CNTLN: variants seen among roughly 807,000 people sequenced by gnomAD.
The protein encoded by CNTLN is centlein, also known as centlein, centrosomal protein.
In CNTLN, 212 loss-of-function variants were observed where a neutral mutation model predicts 180.0. The observed-to-expected ratio is 1.18, with a 90% CI of 1.05 to 1.32. The LOEUF is 1.32. Ranked by LOEUF, CNTLN falls within the 40% of genes most tolerant of loss-of-function variation. CNTLN has a pLI of 0.00. For synonymous variants in CNTLN, 722 were observed against 563.1 expected (o/e 1.28, Z -3.99); for missense variants, 2,095 against 1,610.9 (o/e 1.30, Z -5.14).
downstream of CNTLN, among the ~76,000 whole-genome samples, chr9:17,505,728 A>C (rs551829061): frequency 6.6e-6 from 1 of 152,268 alleles, no homozygotes; most frequent in East Asian, 1.9e-4. Context: ...GAGATTTAAC[A>C]CAATTCCTAC....
chr9:17,474,867 CAA>C (rs1277854068), intron 23 of CNTLN, among the ~76,000 whole-genome samples: 23 of 115,314 alleles, frequency 2.0e-4, no homozygotes, highest in Non-Finnish European at 1.3e-4. Flanking sequence ...GACTCCACCT[CAA>C]AAAAAAAAAA....
chr9:17,462,952 G>A lies in CNTLN; in HGVS notation c.3343G>A (p.Val1115Met), dbSNP rs756590636. Reference sequence around the variant, plus strand: ...TGAACTCACTAAACAGTCATCAAATGTGAAGACTTTGAAATTTGAACTCCT... The same window carrying A: ...TGAACTCACTAAACAGTCATCAAATATGAAGACTTTGAAATTTGAACTCCT... ...TNELTKQSSN[V>M]KTLKFELLAK... The change falls in exon 20 of 26, where the codon GTG becomes ATG. Residue 1115 changes from valine to methionine, a missense_variant. Transcript: ENST00000380647. 4.4e-6 allele frequency: 7 copies of A among 1,581,228 alleles called. No homozygotes were observed. Among genetic ancestry groups the A allele is most frequent in the Non-Finnish European group, 5.1e-6 (6 of 1,166,836 alleles).
intron 2 of CNTLN, among the ~76,000 whole-genome samples, chr9:17,194,639 A>T (rs1404687688): frequency 6.6e-6 from 1 of 152,094 alleles, no homozygotes; most frequent in East Asian, 1.9e-4. Flanking sequence ...AACTTTCCCA[A>T]ATTTTCCTGT....
intron 6 of CNTLN, 80 bp from the exon 7 acceptor site, chr9:17,298,110 G>A (rs1276616451): frequency 3.2e-6 from 4 of 1,236,756 alleles, no homozygotes; most frequent in Non-Finnish European, 4.2e-6. Flanking sequence ...ATGCCAATCT[G>A]TAACCTTAGA....
intron 5 of CNTLN, among the ~76,000 whole-genome samples, chr9:17,256,660 C>T (rs1028207501): frequency 6.6e-6 from 1 of 151,584 alleles, no homozygotes; most frequent in African/African-American, 2.4e-5. Flanking sequence ...TTCAAATGAG[C>T]CGATCTGGGG....
chr9:17,421,003 C>G (rs1828678759), intron 18 of CNTLN, among the ~76,000 whole-genome samples: 1 of 152,114 alleles, frequency 6.6e-6, no homozygotes, highest in South Asian at 2.1e-4. Flanking sequence ...TGAGACTCAT[C>G]CATATGCTAA....
chr9:17,338,276 T>C (rs1821196531), intron 10 of CNTLN, among the ~76,000 whole-genome samples: 2 of 148,320 alleles, frequency 1.3e-5, no homozygotes, highest in Non-Finnish European at 3.0e-5. Flanking sequence ...GCGATTCTCC[T>C]TCCTCAGCCT....
intron 5 of CNTLN, 147 bp from the exon 6 acceptor site, chr9:17,273,586 A>G: frequency 2.2e-6 from 1 of 445,950 alleles, no homozygotes; most frequent in Non-Finnish European, 3.8e-6. Flanking sequence ...TATAAAAGTT[A>G]TTGTTTGTGT....
chr9:17,308,563 G>A (rs937060931), intron 7 of CNTLN, among the ~76,000 whole-genome samples: 6 of 151,984 alleles, frequency 3.9e-5, no homozygotes, highest in South Asian at 2.1e-4. Context: ...TGTTAAGTCC[G>A]ATTAAACTGA....
At chr9:17,178,892 G>A (rs2131708068) in intron 2 of CNTLN, among the ~76,000 whole-genome samples, 1 of 152,314 alleles carries the variant, frequency 6.6e-6, no homozygotes, top group East Asian at 1.9e-4. Flanking sequence ...CAAGGCCGAG[G>A]AGGCGCCGAG....
chr9:17,476,852 T>A (rs1330552276), intron 23 of CNTLN, among the ~76,000 whole-genome samples: 1 of 152,206 alleles, frequency 6.6e-6, no homozygotes, highest in Non-Finnish European at 1.5e-5. Flanking sequence ...GTAAGATAAC[T>A]GATGAAAATG....
rs1385639477 is a variant in CNTLN at position 17,135,070 on chromosome 9, C to A, written c.5C>A (p.Ala2Glu). Residue 2 changes from alanine to glutamate, a missense_variant, in exon 1 of 26, where the codon GCG becomes GAG. By Grantham distance (107) the Ala-to-Glu change is moderately radical. Transcript: ENST00000380647. MAARSPPSPHPS... is the reference protein window; with the variant it reads MEARSPPSPHPS... ...GACCCGTTAGCAGCCGCAGCCATGG[C>A]GGCGCGTTCGCCTCCCTCACCGCAC... The A allele has an allele frequency of 1.4e-5, 22 of 1,596,024 alleles. No homozygotes were observed. The highest frequency in any genetic ancestry group is 1.8e-5 in the Non-Finnish European group (21 of 1,175,648).
chr9:17,379,718 C>A (rs2133575798), intron 13 of CNTLN, among the ~76,000 whole-genome samples: 1 of 152,232 alleles, frequency 6.6e-6, no homozygotes, highest in East Asian at 1.9e-4. Context: ...TAGATTAAAT[C>A]CCAAAACTTT....
chr9:17,154,730 G>A (rs531190139), intron 2 of CNTLN, among the ~76,000 whole-genome samples: 1 of 152,292 alleles, frequency 6.6e-6, no homozygotes, highest in Non-Finnish European at 1.5e-5. Flanking sequence ...TCAGCACTCT[G>A]TAAAAACGGA....
At chr9:17,344,971 A>T (rs1462093725) in intron 12 of CNTLN, among the ~76,000 whole-genome samples, 1 of 151,994 alleles carries the variant, frequency 6.6e-6, no homozygotes, top group Non-Finnish European at 1.5e-5. Context: ...TCATATGCAC[A>T]GAATCATACA....
chr9:17,516,214 T>C, the CNTLN span, among the ~76,000 whole-genome samples: 1 of 152,198 alleles, frequency 6.6e-6, no homozygotes, highest in Non-Finnish European at 1.5e-5. Flanking sequence ...CTCTCTACCA[T>C]CTACCCTGCC....
intron 25 of CNTLN, among the ~76,000 whole-genome samples, chr9:17,494,332 G>A (rs1215565478): frequency 1.3e-5 from 2 of 152,092 alleles, no homozygotes; most frequent in Admixed American, 1.3e-4. Flanking sequence ...ATACAATGGT[G>A]TCCCCATAAG....
At chr9:17,251,578 G>T (rs559210718) in intron 5 of CNTLN, among the ~76,000 whole-genome samples, 1 of 151,740 alleles carries the variant, frequency 6.6e-6, no homozygotes, top group Non-Finnish European at 1.5e-5. Flanking sequence ...AATTACTTTT[G>T]TGTGTGTATT....
At chr9:17,235,206 G>C (rs1003043384) in intron 3 of CNTLN, among the ~76,000 whole-genome samples, 1 of 152,132 alleles carries the variant, frequency 6.6e-6, no homozygotes, top group African/African-American at 2.4e-5. Flanking sequence ...GATATTATTA[G>C]TACTAAAATA....
Sources: gnomAD v4.1 joint callset for allele counts (sites outside exome capture counted in the v4.1 genomes callset) on GRCh38, gnomAD v4.1.1 for gene constraint, MANE v1.5 for transcripts, NCBI Gene and HGNC (gene_info 2026-07-23, HGNC 2026-07-21) for gene names.